Variants in SOD1 observed in about 807,000 individuals in gnomAD.
The protein encoded by SOD1 is superoxide dismutase [Cu-Zn].
A neutral mutation model predicts 15.9 loss-of-function variants in SOD1; 8 were observed. That is an observed-to-expected ratio of 0.50 (90% CI 0.30 to 0.91). The LOEUF (loss-of-function observed/expected upper bound fraction) is 0.91, where lower values mean the gene tolerates loss of function less well. SOD1 is among the 40% of genes least tolerant of loss of function. The probability of loss-of-function intolerance (pLI) is 0.07; values close to 1 mark genes in which losing one functional copy is unlikely to be tolerated. For missense variants in SOD1, 137 were observed against 194.5 expected (o/e 0.70, Z 1.76); for synonymous variants, 86 against 71.2 (o/e 1.21, Z -1.04).
In SOD1 at chr21:31,666,865, T is replaced by TA. The variant is rs200145715; in HGVS notation, c.239+358dup. The TA allele has an allele frequency of 0.017, 5,584 of 328,842 alleles. 8 individuals carry two copies. Among genetic ancestry groups the TA allele is most frequent in the East Asian group, 0.049 (759 of 15,438 alleles). The allele number at this position is 328,842 out of a possible 1,614,324, so 20.4% of individuals were successfully genotyped here. A position where few individuals can be genotyped will look rare whatever the true frequency, so the allele number is the denominator to read the frequency against. ...GTGAAACATAGGAAGCTTCTGTAGA[T>TA]AAAAAAAAAAATTGATACTGAAAAC... On this transcript the variant is annotated intron_variant, in intron 3 of 4. Coordinates refer to ENST00000270142, the MANE Select transcript of SOD1 (RefSeq NM_000454.5).
chr21:31,666,870 A>C (rs1199701591), intron 3 of SOD1: 1 of 389,026 alleles, frequency 2.6e-6, no homozygotes, highest in African/African-American at 2.0e-5. Flanking sequence ...GTAGATAAAA[A>C]AAAAAATTGA....
chr21:31,668,658 T>C lies in SOD1; in HGVS notation c.*80T>C. The C allele has an allele frequency of 9.6e-7, 1 of 1,042,184 alleles. No homozygotes were observed. The highest frequency in any genetic ancestry group is 1.5e-6 in the Non-Finnish European group (1 of 663,680). 64.6% of individuals were successfully genotyped at this position (1,042,184 alleles called of 1,614,324 possible). A position where few individuals can be genotyped will look rare whatever the true frequency, so the allele number is the denominator to read the frequency against. On this transcript the variant is annotated 3_prime_UTR_variant, in exon 5 of 5. Transcript: ENST00000270142. ...TGTAGAAATGTATCCTGATAAACAT[T>C]AAACACTGTAATCTTAAAAGTGTAA... is the stretch of plus-strand genomic sequence containing the variant.
rs757951479 is a variant in SOD1, at chr21:31,667,369, A to G, written c.351A>G (p.Thr117=). The G allele has an allele frequency of 6.2e-7, 1 of 1,606,968 alleles. No homozygotes were observed. The highest frequency in any genetic ancestry group is 1.7e-4 in the Middle Eastern group (1 of 6,046). Residue 117 remains threonine, a synonymous_variant, in exon 4 of 5, where the codon ACA becomes ACG. Coordinates refer to ENST00000270142, the MANE Select transcript of SOD1 (RefSeq NM_000454.5). ...GAGACCATTGCATCATTGGCCGCAC[A>G]CTGGTGGTAAGTTTTCATAAAAGGA... is the stretch of plus-strand genomic sequence containing the variant. ...LSGDHCIIGR[T]LVVHEKADDL... is the part of the protein sequence containing the mutation.
Position 31,668,504 on chromosome 21 carries a change from G to A in SOD1, c.391G>A (p.Gly131Arg). 6.2e-7 allele frequency: 1 copy of A among 1,613,958 alleles called. No homozygotes were observed. The highest frequency in any genetic ancestry group is 8.5e-7 in the Non-Finnish European group (1 of 1,179,858). ...AAAAGCAGATGACTTGGGCAAAGGTGGAAATGAAGAAAGTACAAAGACAGG... is the reference window on the plus strand; with the variant it reads ...AAAAGCAGATGACTTGGGCAAAGGTAGAAATGAAGAAAGTACAAAGACAGG... ...HEKADDLGKG[G>R]NEESTKTGNA... Residue 131 changes from glycine to arginine, a missense_variant, in exon 5 of 5, where the codon GGA (glycine) becomes AGA (arginine). Transcript: ENST00000270142.
intron 4 of SOD1, among the ~76,000 whole-genome samples, chr21:31,668,257 T>A (rs924357532): frequency 6.6e-6 from 1 of 152,196 alleles, no homozygotes; most frequent in Non-Finnish European, 1.5e-5. Context: ...CAGCAACACT[T>A]ACCTAATGTT....
intron 2 of SOD1, among the ~76,000 whole-genome samples, chr21:31,665,555 A>T (rs2049585778): frequency 6.6e-6 from 1 of 152,034 alleles, no homozygotes; most frequent in Non-Finnish European, 1.5e-5. Flanking sequence ...TGCGGGTGAG[A>T]GCGTGGCTGA....
At chr21:31,662,220 G>C (rs902870854) in intron 1 of SOD1, among the ~76,000 whole-genome samples, 6 of 152,214 alleles carry the variant, frequency 3.9e-5, no homozygotes, top group Non-Finnish European at 8.8e-5. Context: ...TGATAACAGA[G>C]TGTTTGAGGG....
chr21:31,667,469 C>T (rs2049606082), intron 4 of SOD1, 94 bp downstream of exon 4: 2 of 932,866 alleles, frequency 2.1e-6, no homozygotes, highest in Non-Finnish European at 3.6e-6. Context: ...TCTAAAGATC[C>T]AGATAAACTG....
At position 31,659,731 on chromosome 21, in the gene SOD1, A is replaced by C. The variant is rs17885940; in HGVS notation, c.-39A>C. The stretch of plus-strand genomic sequence containing the variant: ...CTGCAGCGTCTGGGGTTTCCGTTGC[A>C]GTCCTCGGAACCAGGACCTCGGCGT... On this transcript the variant is annotated 5_prime_UTR_variant, in exon 1 of 5. Coordinates refer to ENST00000270142, the MANE Select transcript of SOD1 (RefSeq NM_000454.5). The C allele has an allele frequency of 2.5e-6, 4 of 1,609,078 alleles. No individual in the cohort carries two copies. The highest frequency in any genetic ancestry group is 2.2e-5 in the South Asian group (2 of 91,012).
chr21:31,667,452 C>T (rs1269264107), intron 4 of SOD1, 77 bp downstream of exon 4: 8 of 1,090,682 alleles, frequency 7.3e-6, no homozygotes, highest in Non-Finnish European at 1.1e-5. Flanking sequence ...GATTGTTAGT[C>T]GCGGTTTCTA....
In SOD1 at chr21:31,663,869, T is replaced by G. The variant is rs759149157; in HGVS notation, c.152T>G (p.Phe51Cys). 5 of 1,613,068 alleles carry G rather than the reference T, an allele frequency of 3.1e-6. No homozygotes were observed. In the South Asian group the frequency reaches 5.5e-5, roughly 18 times the overall value. The change falls in exon 2 of 5, where the codon TTT becomes TGT. Residue 51 changes from phenylalanine to cysteine, a missense_variant. Transcript: ENST00000270142. Reference sequence around the variant, plus strand: ...CTGCATGGATTCCATGTTCATGAGTTTGGAGATAATACAGCAGGTGGGTGT... The same window carrying G: ...CTGCATGGATTCCATGTTCATGAGTGTGGAGATAATACAGCAGGTGGGTGT... ...EGLHGFHVHE[F>C]GDNTAGCTSA...
At chr21:31,660,038 G>GGGCGCGGGGCGTGGGACCGAGGCC (rs2049534266) in intron 1 of SOD1, 197 bp downstream of exon 1, 1 of 339,818 alleles carries the variant, frequency 2.9e-6, no homozygotes, top group Non-Finnish European at 5.1e-6. Context: ...GGGCGGGCCC[G>GGGCGCGGGGCGTGGGACCGAGGCC]GGCGCGGGGC....
At chr21:31,667,441 T>C in intron 4 of SOD1, 66 bp downstream of exon 4, 2 of 1,159,702 alleles carry the variant, frequency 1.7e-6, no homozygotes, top group East Asian at 4.7e-5. Context: ...CTTTTCACTT[T>C]GATTGTTAGT....
intron 3 of SOD1, 183 bp from the exon 4 acceptor site, chr21:31,667,075 C>G: frequency 1.6e-6 from 1 of 639,602 alleles, no homozygotes; most frequent in Admixed American, 2.3e-5. Flanking sequence ...AGGTGCAGCC[C>G]CATCTTTCTT....
At chr21:31,661,365 A>G (rs1238785410) in intron 1 of SOD1, among the ~76,000 whole-genome samples, 4 of 151,934 alleles carry the variant, frequency 2.6e-5, no homozygotes, top group South Asian at 2.1e-4. Flanking sequence ...ATTCACCAGT[A>G]CTAGTGTTTT....
intron 1 of SOD1, among the ~76,000 whole-genome samples, chr21:31,663,302 T>C (rs1224785672): frequency 6.6e-6 from 1 of 151,980 alleles, no homozygotes; most frequent in Non-Finnish European, 1.5e-5. Context: ...ATCATGCCAC[T>C]GCACTCCAGC....
chr21:31,665,334 AT>A (rs1199203640), intron 2 of SOD1, among the ~76,000 whole-genome samples: 1 of 152,030 alleles, frequency 6.6e-6, no homozygotes, highest in Admixed American at 6.6e-5. Context: ...TAATAATCTG[AT>A]TTTTTTGTTT....
chr21:31,663,919 T>C (rs1219614022), intron 2 of SOD1, 33 bp downstream of exon 2: 1 of 1,480,388 alleles, frequency 6.8e-7, no homozygotes, highest in South Asian at 1.1e-5. Context: ...GACCCATACT[T>C]GTTCACCCTA....
intron 1 of SOD1, among the ~76,000 whole-genome samples, chr21:31,661,296 C>G (rs2049546439): frequency 6.6e-6 from 1 of 152,164 alleles, no homozygotes; most frequent in South Asian, 2.1e-4. Flanking sequence ...GCATTTGACT[C>G]CATTTTGCTG....
Sources: allele counts gnomAD v4.1 joint callset (sites outside exome capture counted in the v4.1 genomes callset), GRCh38; gene constraint gnomAD v4.1.1; transcripts MANE v1.5; gene names NCBI Gene and HGNC (gene_info 2026-07-23, HGNC 2026-07-21).